KCNIP4: variants seen among roughly 807,000 people sequenced by gnomAD.
KCNIP4 encodes Kv channel-interacting protein 4.
In KCNIP4, 12 loss-of-function variants were observed where a neutral mutation model predicts 34.0. The ratio of observed to expected loss-of-function variants is 0.35; its 90% CI spans 0.23 to 0.57. The LOEUF (loss-of-function observed/expected upper bound fraction) is 0.57. Ranked by LOEUF, KCNIP4 falls within the 20% of genes least tolerant of loss-of-function variation. The pLI is 0.83. For missense variants in KCNIP4, 238 were observed against 311.7 expected (o/e 0.76, Z 1.78); for synonymous variants, 124 against 102.2 (o/e 1.21, Z -1.29).
At chr4:21,931,796 T>G (rs1729584143) in intron 1 of KCNIP4, among the ~76,000 whole-genome samples, 2 of 152,142 alleles carry the variant, frequency 1.3e-5, no homozygotes, top group South Asian at 4.1e-4. Context: ...ATATTCCCAG[T>G]AATGGGATTG....
intron 1 of KCNIP4, among the ~76,000 whole-genome samples, chr4:20,989,590 T>C (rs371050316): frequency 3.3e-5 from 5 of 152,156 alleles, no homozygotes; most frequent in African/African-American, 9.7e-5. Context: ...GAAGGTTGCA[T>C]TGAAGAGAGA....
At chr4:20,955,062 T>A (rs1432714030) in intron 1 of KCNIP4, among the ~76,000 whole-genome samples, 1 of 152,144 alleles carries the variant, frequency 6.6e-6, no homozygotes, top group African/African-American at 2.4e-5. Flanking sequence ...AGAGGAAGCA[T>A]AGTTCTGTGA....
At chr4:21,398,817 C>T (rs548591539) in intron 1 of KCNIP4, among the ~76,000 whole-genome samples, 8 of 152,238 alleles carry the variant, frequency 5.3e-5, no homozygotes, top group African/African-American at 9.6e-5. Context: ...TCATTCATAG[C>T]GCTAGAGAAT....
chr4:21,530,778 G>C (rs565041485), intron 1 of KCNIP4, among the ~76,000 whole-genome samples: 1 of 152,238 alleles, frequency 6.6e-6, no homozygotes, highest in Non-Finnish European at 1.5e-5. Context: ...TTAAGGATCA[G>C]ACTAAACAAG....
chr4:20,854,538 G>A (rs767637822), intron 2 of KCNIP4, among the ~76,000 whole-genome samples: 22 of 152,160 alleles, frequency 1.4e-4, no homozygotes, highest in Non-Finnish European at 2.6e-4. Flanking sequence ...ATATTGTGCA[G>A]TGTATACGTG....
At chr4:21,376,460 T>C (rs1022535888) in intron 1 of KCNIP4, among the ~76,000 whole-genome samples, 6 of 152,204 alleles carry the variant, frequency 3.9e-5, no homozygotes, top group Non-Finnish European at 8.8e-5. Flanking sequence ...CAGTAATCCA[T>C]GTTTTTTCAT....
intron 1 of KCNIP4, among the ~76,000 whole-genome samples, chr4:21,314,557 TA>T (rs1334270122): frequency 2.6e-5 from 4 of 152,176 alleles, no homozygotes; most frequent in African/African-American, 7.2e-5. Context: ...GGCTGAAGGA[TA>T]TTTTTTTTTA....
In KCNIP4 at chr4:21,229,802, T is replaced by C. The variant is rs1467762163; in HGVS notation, c.62-347093A>G. On this transcript the variant is annotated intron_variant, in intron 1 of 8. Transcript: ENST00000382152. ...GCTATTCTATTTGATTTGATTCCTT[T>C]GCACAGTTCTGAGAGTCCCACTCAG... 2.6e-5 allele frequency among the ~76,000 whole-genome samples: 4 copies of C among 152,158 alleles called. No individual in the cohort carries two copies. In the East Asian group the frequency reaches 7.7e-4, roughly 29 times the overall value.
At chr4:20,882,488 C>T (rs1448977292) in intron 2 of KCNIP4, 120 bp downstream of exon 2, 2 of 709,158 alleles carry the variant, frequency 2.8e-6, no homozygotes, top group East Asian at 2.7e-5. Context: ...AACATGAGTA[C>T]ATCAATAGAT....
intron 1 of KCNIP4, among the ~76,000 whole-genome samples, chr4:21,241,499 C>T (rs1471040252): frequency 6.6e-6 from 1 of 152,020 alleles, no homozygotes; most frequent in Admixed American, 6.6e-5. Flanking sequence ...AAGGTGTAGG[C>T]AAGAGATGGA....
At chr4:21,455,810 TATATATATATATATATATATATATATA>T (rs1728890687) in intron 1 of KCNIP4, among the ~76,000 whole-genome samples, 3 of 68,024 alleles carry the variant, frequency 4.4e-5, no homozygotes, top group East Asian at 8.4e-4. Context: ...CAGATATTCA[TATATATATATATATATATATATATATA>T]TATATATATA....
chr4:20,878,405 G>T lies in KCNIP4; in HGVS notation c.163+4203C>A, dbSNP rs1724296353. On this transcript the variant is annotated intron_variant, in intron 2 of 8. Coordinates refer to ENST00000382152, the MANE Select transcript of KCNIP4 (RefSeq NM_025221.6). ...TTACTGGCTTTCCTTTTATTTTAAG[G>T]ACTTAAAAGACATCTTGTCAATGAG... Among the ~76,000 whole-genome samples, 4 of 151,624 alleles carry T rather than the reference G, an allele frequency of 2.6e-5. No homozygotes were observed. The South Asian group carries it at 8.3e-4, about 32-fold the overall frequency.
intron 3 of KCNIP4, among the ~76,000 whole-genome samples, chr4:20,836,183 T>C (rs1719018424): frequency 6.6e-6 from 1 of 152,206 alleles, no homozygotes; most frequent in Non-Finnish European, 1.5e-5. Context: ...TGACTTGCTG[T>C]ATGTCTACCT....
intron 1 of KCNIP4, among the ~76,000 whole-genome samples, chr4:21,140,952 T>C (rs558050432): frequency 3.3e-5 from 5 of 152,342 alleles, no homozygotes; most frequent in East Asian, 1.9e-4. Flanking sequence ...CTTATTGCAG[T>C]TGATCCTTTT....
At chr4:21,199,741 CAT>C (rs1756330393) in intron 1 of KCNIP4, among the ~76,000 whole-genome samples, 1 of 152,158 alleles carries the variant, frequency 6.6e-6, no homozygotes, top group Non-Finnish European at 1.5e-5. Context: ...TACATGCACA[CAT>C]ATGTTTATTG....
intron 1 of KCNIP4, among the ~76,000 whole-genome samples, chr4:21,837,542 A>AAAAAAAAAAG (rs1553936449): frequency 1.3e-5 from 2 of 149,698 alleles, no homozygotes; most frequent in East Asian, 2.0e-4. Context: ...CAAAAAAAAA[A>AAAAAAAAAAG]AAAAAGAAAA....
chr4:21,273,025 C>T (rs766323140), intron 1 of KCNIP4, among the ~76,000 whole-genome samples: 3 of 152,144 alleles, frequency 2.0e-5, no homozygotes, highest in Non-Finnish European at 4.4e-5. Context: ...TATTGTGTCA[C>T]TGCCAAGGAT....
At chr4:21,625,838 A>T (rs537753509) in intron 1 of KCNIP4, among the ~76,000 whole-genome samples, 1 of 152,264 alleles carries the variant, frequency 6.6e-6, no homozygotes, top group African/African-American at 2.4e-5. Context: ...CACTGTTCAA[A>T]TACCAATTTA....
At chr4:21,047,768 C>G (rs903799697) in intron 1 of KCNIP4, among the ~76,000 whole-genome samples, 34 of 152,204 alleles carry the variant, frequency 2.2e-4, no homozygotes, top group African/African-American at 8.0e-4. Context: ...TAGCCTAGAG[C>G]AGCTACCACA....
Sources: gnomAD v4.1 joint callset for allele counts (sites outside exome capture counted in the v4.1 genomes callset) on GRCh38, gnomAD v4.1.1 for gene constraint, MANE v1.5 for transcripts, NCBI Gene and HGNC (gene_info 2026-07-23, HGNC 2026-07-21) for gene names.